The following CFTR variants were observed in gnomAD, a reference collection of about 807,000 sequenced individuals.
The protein encoded by CFTR is CF transmembrane conductance regulator.
CFTR carries 181 observed loss-of-function variants against 171.6 expected under a neutral mutation model. The ratio of observed to expected loss-of-function variants is 1.05; its 90% confidence interval spans 0.93 to 1.19. The LOEUF (loss-of-function observed/expected upper bound fraction) is 1.19. Among genes scored for constraint, CFTR ranks in the 50% most tolerant of loss-of-function variants. The pLI is 0.00. For synonymous variants in CFTR, 583 were observed against 608.0 expected (o/e 0.96, Z 0.60); for missense variants, 1,968 against 1,734.7 (o/e 1.13, Z -2.39).
intron 22 of CFTR, among the ~76,000 whole-genome samples, chr7:117,628,166 A>G (rs1484177866): frequency 6.6e-6 from 1 of 152,116 alleles, no homozygotes; most frequent in Non-Finnish European, 1.5e-5. Flanking sequence ...CAAACAAGTG[A>G]TACTTTTTTT....
At chr7:117,643,748 G>T (rs574617930) in intron 23 of CFTR, among the ~76,000 whole-genome samples, 3 of 152,190 alleles carry the variant, frequency 2.0e-5, no homozygotes, top group African/African-American at 7.2e-5. Flanking sequence ...AGAACTGGTT[G>T]ATAGAGAAGT....
chr7:117,553,383 T>G (rs1404908498), intron 10 of CFTR, among the ~76,000 whole-genome samples: 1 of 152,182 alleles, frequency 6.6e-6, no homozygotes, highest in Non-Finnish European at 1.5e-5. Context: ...ACAAATAACT[T>G]TATATACATA....
At chr7:117,546,599 T>A (rs183129260) in intron 9 of CFTR, among the ~76,000 whole-genome samples, 1 of 152,310 alleles carries the variant, frequency 6.6e-6, no homozygotes, top group Admixed American at 6.5e-5. Flanking sequence ...TTTTCCAAAT[T>A]TCTTGAAATG....
chr7:117,611,790 A>G lies in CFTR; in HGVS notation c.3349A>G (p.Ile1117Val). The stretch of plus-strand genomic sequence containing the variant: ...CATCTTCTTCATTGCTGTTACCTTC[A>G]TTTCCATTTTAACAACAGGTACTAT... Reference protein sequence around the residue: ...FVIFFIAVTFISILTTGEGEG... With the variant: ...FVIFFIAVTFVSILTTGEGEG... Residue 1117 changes from isoleucine (I) to valine (V), a missense_variant, in exon 20 of 27, where the codon ATT (isoleucine) becomes GTT (valine). Transcript: ENST00000003084. 6.2e-7 allele frequency: 1 copy of G among 1,611,800 alleles called. No individual in the cohort carries two copies. Among genetic ancestry groups the G allele is most frequent in the Non-Finnish European group, 8.5e-7 (1 of 1,178,406 alleles).
intron 15 of CFTR, among the ~76,000 whole-genome samples, chr7:117,601,694 G>C (rs1792227798): frequency 6.6e-6 from 1 of 151,988 alleles, no homozygotes; most frequent in Admixed American, 6.6e-5. Flanking sequence ...TGTGGTAAAG[G>C]TATCATTTGG....
chr7:117,666,177 A>G (rs1562929350), intron 26 of CFTR, among the ~76,000 whole-genome samples: 1 of 152,206 alleles, frequency 6.6e-6, no homozygotes, highest in Non-Finnish European at 1.5e-5. Flanking sequence ...CAGGCAACAT[A>G]GTGAGGCCCC....
intron 7 of CFTR, among the ~76,000 whole-genome samples, chr7:117,536,884 C>T (rs1798968337): frequency 6.6e-6 from 1 of 152,070 alleles, no homozygotes; most frequent in African/African-American, 2.4e-5. Context: ...TTATTTTATG[C>T]TGCAAGTATA....
intron 24 of CFTR, among the ~76,000 whole-genome samples, chr7:117,660,705 TATATATAC>T (rs1304681540): frequency 2.0e-5 from 3 of 151,790 alleles, no homozygotes; most frequent in Admixed American, 6.6e-5. Flanking sequence ...CACACACATA[TATATATAC>T]ATATATACAT....
chr7:117,568,223 G>A (rs1460898503), intron 11 of CFTR, among the ~76,000 whole-genome samples: 1 of 152,192 alleles, frequency 6.6e-6, no homozygotes, highest in African/African-American at 2.4e-5. Flanking sequence ...GGAGAGGACA[G>A]TTATATCCAG....
chr7:117,631,943 GT>G (rs1219973631), intron 22 of CFTR, among the ~76,000 whole-genome samples: 1 of 152,180 alleles, frequency 6.6e-6, no homozygotes, highest in Non-Finnish European at 1.5e-5. Flanking sequence ...ATCCTGTGGG[GT>G]CTATGCTAAT....
chr7:117,617,381 A>G (rs1432145288), intron 21 of CFTR, among the ~76,000 whole-genome samples: 1 of 151,884 alleles, frequency 6.6e-6, no homozygotes, highest in Non-Finnish European at 1.5e-5. Flanking sequence ...ATTTAACGTT[A>G]AGTTGCATTG....
chr7:117,666,333 T>A (rs1793376571), intron 26 of CFTR, among the ~76,000 whole-genome samples: 1 of 152,170 alleles, frequency 6.6e-6, no homozygotes, highest in Non-Finnish European at 1.5e-5. Context: ...TGGAGGTAAA[T>A]GGTTTCCTTA....
chr7:117,574,242 ACAAAT>A (rs1331226464), intron 11 of CFTR, among the ~76,000 whole-genome samples: 1 of 152,142 alleles, frequency 6.6e-6, no homozygotes, highest in Non-Finnish European at 1.5e-5. Context: ...TAATGTGGTT[ACAAAT>A]GAACAATAAA....
At chr7:117,627,822 C>G (rs939350413) in intron 22 of CFTR, 52 bp downstream of exon 22, 2 of 1,580,888 alleles carry the variant, frequency 1.3e-6, no homozygotes, top group Non-Finnish European at 1.7e-6. Flanking sequence ...TAAGTGAATC[C>G]CAGTAGCCTG....
chr7:117,638,204 G>C (rs968229796), intron 22 of CFTR, among the ~76,000 whole-genome samples: 1 of 152,144 alleles, frequency 6.6e-6, no homozygotes, highest in Non-Finnish European at 1.5e-5. Flanking sequence ...TTTGCCCTGT[G>C]ACCTCACTTC....
chr7:117,501,747 C>CAAAAAAAAAAAAAAAAAAAA (rs1212853305), intron 1 of CFTR, among the ~76,000 whole-genome samples: 10 of 43,900 alleles, frequency 2.3e-4, no homozygotes, highest in Non-Finnish European at 2.9e-4. Flanking sequence ...AACTCTGTCT[C>CAAAAAAAAAAAAAAAAAAAA]AAAAAAAAAA....
intron 16 of CFTR, 25 bp from the exon 17 acceptor site, chr7:117,603,507 T>C (rs1193885005): frequency 6.2e-7 from 1 of 1,613,576 alleles, no homozygotes. Flanking sequence ...GGCTGCCAAA[T>C]AACGATTTCC....
At chr7:117,650,785 T>A (rs547066094) in intron 23 of CFTR, among the ~76,000 whole-genome samples, 3 of 152,272 alleles carry the variant, frequency 2.0e-5, no homozygotes, top group Admixed American at 2.0e-4. Context: ...ATTGTTTAAA[T>A]AAAGAATATG....
At chr7:117,533,315 A>G (rs1316739012) in intron 4 of CFTR, among the ~76,000 whole-genome samples, 1 of 152,066 alleles carries the variant, frequency 6.6e-6, no homozygotes, top group African/African-American at 2.4e-5. Flanking sequence ...ATTCTACACC[A>G]TCTCAAATTC....
Sources: allele counts gnomAD v4.1 joint callset (sites outside exome capture counted in the v4.1 genomes callset), GRCh38; gene constraint gnomAD v4.1.1; transcripts MANE v1.5; gene names NCBI Gene and HGNC (gene_info 2026-07-23, HGNC 2026-07-21).